Variants in NTM observed in about 807,000 individuals in gnomAD.
NTM encodes the protein neurotrimin.
Under a neutral mutation model 42.1 loss-of-function variants are expected in NTM, and 13 were observed. The observed-to-expected ratio is 0.31, with a 90% CI of 0.20 to 0.49. The LOEUF (loss-of-function observed/expected upper bound fraction) is 0.49. NTM is among the 20% of genes least tolerant of loss of function. The pLI is 0.99. For synonymous variants in NTM, 187 were observed against 179.2 expected, an observed-to-expected ratio of 1.04 and a Z score of -0.35; for missense variants, 373 against 452.8, an observed-to-expected ratio of 0.82 and a Z score of 1.60.
chr11:131,618,373 T>C lies in NTM; in HGVS notation c.82+247485T>C, dbSNP rs148670536. Among the ~76,000 whole-genome samples, 27 of 152,312 alleles carry C rather than the reference T, an allele frequency of 1.8e-4. 1 individual carries two copies. The highest frequency in any genetic ancestry group is 3.4e-3 in the Middle Eastern group (1 of 294). On this transcript the variant is annotated intron_variant, in intron 1 of 8. Transcript: ENST00000683400. ...AAGCCTAGCAGAAAAAGAACCAAAT[T>C]TTCTCTGGACTATGGCCAAGTGCAA...
At chr11:131,641,987 A>AG (rs769584446) in intron 1 of NTM, among the ~76,000 whole-genome samples, 6 of 152,106 alleles carry the variant, frequency 3.9e-5, no homozygotes, top group Non-Finnish European at 7.4e-5. Context: ...GGCCTCCCTA[A>AG]GTGCTAGGAT....
intron 4 of NTM, among the ~76,000 whole-genome samples, chr11:132,289,157 C>T (rs1338154324): frequency 6.6e-6 from 1 of 152,168 alleles, no homozygotes; most frequent in East Asian, 1.9e-4. Flanking sequence ...CAATTTGCAA[C>T]AATTCTCAGG....
At chr11:131,898,320 G>C (rs1023578412) in intron 1 of NTM, among the ~76,000 whole-genome samples, 1 of 152,196 alleles carries the variant, frequency 6.6e-6, no homozygotes, top group Non-Finnish European at 1.5e-5. Flanking sequence ...AACTGGCTTT[G>C]TGGAAAAACA....
rs529963956 is a variant in NTM, at chr11:132,329,683, C to T, written c.935-470C>T. ...ATTTCAAATACAGCATGAGCACCTA[C>T]ATTCAAATGCTGTAGTATAAATCCA... On this transcript the variant is annotated intron_variant, in intron 7 of 8. Transcript: ENST00000683400. Among the ~76,000 whole-genome samples the T allele has an allele frequency of 4.6e-5, 7 of 152,374 alleles. No individual in the cohort carries two copies. In the East Asian group the frequency reaches 1.3e-3, roughly 29 times the overall value.
chr11:131,703,628 T>A (rs113843350), intron 1 of NTM, among the ~76,000 whole-genome samples: 7,624 of 152,218 alleles, frequency 0.05, 498 homozygotes, highest in Admixed American at 0.19. Flanking sequence ...CAAAAACACT[T>A]TCACAGGAGC....
At chr11:131,984,721 A>G (rs1019984677) in intron 2 of NTM, 9 of 152,342 alleles carry the variant, frequency 5.9e-5, no homozygotes, top group African/African-American at 1.9e-4. Context: ...CAAAAGTATC[A>G]TAAGCTTCTT....
intron 1 of NTM, among the ~76,000 whole-genome samples, chr11:131,647,662 A>G (rs551065755): frequency 6.6e-6 from 1 of 152,298 alleles, no homozygotes; most frequent in South Asian, 2.1e-4. Context: ...GAGTTAAACA[A>G]TTTTTCCAAA....
chr11:132,304,626 A>G (rs1327842086), intron 4 of NTM, among the ~76,000 whole-genome samples: 1 of 152,162 alleles, frequency 6.6e-6, no homozygotes, highest in Non-Finnish European at 1.5e-5. Context: ...TTATTTTGTT[A>G]TGTGTAAACT....
intron 1 of NTM, among the ~76,000 whole-genome samples, chr11:131,563,932 C>T (rs975152570): frequency 1.1e-4 from 17 of 152,262 alleles, no homozygotes; most frequent in Middle Eastern, 3.4e-3. Context: ...CCTGCAAGTG[C>T]TTATGTGGCT....
chr11:131,399,943 G>A (rs934413112), intron 1 of NTM, among the ~76,000 whole-genome samples: 1 of 152,074 alleles, frequency 6.6e-6, no homozygotes, highest in Non-Finnish European at 1.5e-5. Context: ...ATTAGATTGG[G>A]TACACATGAA....
At chr11:131,599,385 G>GATGCCCCGTCTACCC (rs2060267192) in intron 1 of NTM, among the ~76,000 whole-genome samples, 2 of 124,164 alleles carry the variant, frequency 1.6e-5, no homozygotes, top group Admixed American at 8.8e-5. Flanking sequence ...GTCTCCGGCA[G>GATGCCCCGTCTACCC]AGCTAGTCAC....
chr11:131,513,245 T>A (rs2048481487), intron 1 of NTM, among the ~76,000 whole-genome samples: 1 of 152,140 alleles, frequency 6.6e-6, no homozygotes, highest in African/African-American at 2.4e-5. Flanking sequence ...GACAAAACAA[T>A]ATAAACTATC....
At chr11:132,229,361 C>G (rs2017048) in intron 4 of NTM, among the ~76,000 whole-genome samples, 56,287 of 152,000 alleles carry the variant, frequency 0.37, 10,804 homozygotes, top group Middle Eastern at 0.54. Context: ...CAACCTGGTT[C>G]CAGAGGTTTC....
intron 1 of NTM, among the ~76,000 whole-genome samples, chr11:131,593,940 G>A (rs2059602340): frequency 6.6e-6 from 1 of 152,164 alleles, no homozygotes; most frequent in South Asian, 2.1e-4. Context: ...GTGCCCAGTG[G>A]ATCTTTTACA....
rs1292132224 is a variant in NTM at position 132,251,669 on chromosome 11, G to A, written c.526+39522G>A. ...TCAATATCCTTGGATGCGAAATGGC[G>A]GGACCAATAGCCTGAAGTGCCTGTG... is the stretch of plus-strand genomic sequence containing the variant. On this transcript the variant is annotated intron_variant, in intron 4 of 8. Coordinates refer to ENST00000683400, the MANE Select transcript of NTM (RefSeq NM_001352005.2). Among the ~76,000 whole-genome samples the A allele has an allele frequency of 3.9e-5, 6 of 152,170 alleles. No individual in the cohort carries two copies. In the South Asian group the frequency reaches 1.0e-3, roughly 26 times the overall value.
rs1555107681 is a variant in NTM at position 132,335,743 on chromosome 11, T to TTATCA, written c.*597_*598insTATCA. The stretch of plus-strand genomic sequence containing the variant: ...ATACCGTTAAACTTTTTTTTTTTTT[T>TTATCA]ATCATTTTACTACATGAACATCATG... On this transcript the variant is annotated 3_prime_UTR_variant, in exon 9 of 9. Transcript: ENST00000683400. 6.6e-6 allele frequency: 1 copy of TTATCA among 152,266 alleles called. No individual in the cohort carries two copies. The highest frequency in any genetic ancestry group is 2.4e-5 in the African/African-American group (1 of 41,222). The allele number at this position is 152,266 out of a possible 1,614,324, so 9.4% of individuals were successfully genotyped here.
intron 4 of NTM, chr11:132,285,053 T>G (rs1024944798): frequency 2.0e-5 from 3 of 152,386 alleles, no homozygotes; most frequent in Admixed American, 1.3e-4. Flanking sequence ...GAAAGAGCAG[T>G]GTGAGGAGCA....
chr11:132,117,567 C>T (rs1424735890), intron 2 of NTM, among the ~76,000 whole-genome samples: 2 of 152,208 alleles, frequency 1.3e-5, no homozygotes, highest in South Asian at 2.1e-4. Flanking sequence ...AGCAGACCAA[C>T]CGGGCCCTTT....
At chr11:131,518,008 T>G (rs1038420546) in intron 1 of NTM, among the ~76,000 whole-genome samples, 17 of 152,234 alleles carry the variant, frequency 1.1e-4, no homozygotes, top group Non-Finnish European at 2.1e-4. Flanking sequence ...TGTCTCTCAT[T>G]TGTATTCCAT....
Sources: gnomAD v4.1 joint callset for allele counts (sites outside exome capture counted in the v4.1 genomes callset) on GRCh38, gnomAD v4.1.1 for gene constraint, MANE v1.5 for transcripts, NCBI Gene and HGNC (gene_info 2026-07-23, HGNC 2026-07-21) for gene names.